Variants in MYH7B observed in about 807,000 individuals in gnomAD.
MYH7B encodes the protein myosin heavy chain 7B, also known as myosin-7B.
In MYH7B, 205 loss-of-function variants were observed where a neutral mutation model predicts 234.5. That is an observed-to-expected ratio of 0.87 (90% CI 0.78 to 0.98). The LOEUF is 0.98. MYH7B is among the 50% of genes least tolerant of loss of function. MYH7B has a pLI of 0.00. For synonymous variants in MYH7B, 1,193 were observed against 1,105.0 expected (o/e 1.08, Z -1.58); for missense variants, 2,652 against 2,633.4 (o/e 1.01, Z -0.15).
intron 7 of MYH7B, 146 bp from the exon 8 acceptor site, chr20:34,980,432 C>G: frequency 1.4e-6 from 1 of 710,168 alleles, no homozygotes; most frequent in Non-Finnish European, 2.5e-6. Flanking sequence ...GCTTGTAGTC[C>G]TAGCTACCCT....
chr20:34,965,252 T>G lies in MYH7B; in HGVS notation c.-222+7040T>G, dbSNP rs1467432063. Among the ~76,000 whole-genome samples, 4 of 152,226 alleles carry G rather than the reference T, an allele frequency of 2.6e-5. No individual in the cohort carries two copies. The East Asian group carries it at 7.7e-4, about 29-fold the overall frequency. On this transcript the variant is annotated intron_variant, in intron 2 of 44. Coordinates refer to ENST00000262873, the Ensembl canonical transcript of MYH7B. ...AAGAGACAGAGCAACTCTGAGGGTTTGCACATAGGCAGTTGGACTCCAGAA... is the reference window on the plus strand; with the variant it reads ...AAGAGACAGAGCAACTCTGAGGGTTGGCACATAGGCAGTTGGACTCCAGAA...
intron 3 of MYH7B, among the ~76,000 whole-genome samples, chr20:34,976,495 A>G (rs2081855695): frequency 1.3e-5 from 2 of 152,336 alleles, no homozygotes; most frequent in Admixed American, 1.3e-4. Context: ...GATGGACAGG[A>G]GAGCCTGGAG....
At chr20:34,960,766 G>A (rs2081689388) in intron 2 of MYH7B, among the ~76,000 whole-genome samples, 1 of 152,234 alleles carries the variant, frequency 6.6e-6, no homozygotes, top group Admixed American at 6.5e-5. Flanking sequence ...CAGCATTGCT[G>A]CTCAGGAAAT....
chr20:34,983,679 T>C (rs2081974881), intron 10 of MYH7B, among the ~76,000 whole-genome samples: 1 of 152,172 alleles, frequency 6.6e-6, no homozygotes, highest in African/African-American at 2.4e-5. Flanking sequence ...TCAGCTCCCC[T>C]TACCTTGGCC....
At chr20:34,959,241 T>C (rs1379702049) in intron 2 of MYH7B, among the ~76,000 whole-genome samples, 4 of 152,112 alleles carry the variant, frequency 2.6e-5, no homozygotes, top group Non-Finnish European at 5.9e-5. Flanking sequence ...TCAAGACACA[T>C]AGGATTGGGG....
chr20:34,996,420 G>A (rs766228940), exon 29 of MYH7B: 1 of 1,613,400 alleles, frequency 6.2e-7, no homozygotes, highest in Non-Finnish European at 8.5e-7. Flanking sequence ...AGAAGGCGTT[G>A]CAGGAGGCCC....
At chr20:34,998,856 G>A (rs771921463) in exon 35 of MYH7B, 2 of 1,613,172 alleles carry the variant, frequency 1.2e-6, no homozygotes, top group East Asian at 4.5e-5. Context: ...AGGTGGCCCA[G>A]TGGAGGAGCA....
intron 1 of MYH7B, among the ~76,000 whole-genome samples, chr20:34,957,179 C>G (rs773478633): frequency 2.0e-5 from 3 of 152,238 alleles, no homozygotes; most frequent in Non-Finnish European, 4.4e-5. Context: ...GACTTAGGCG[C>G]TTAGGCTTGG....
chr20:34,965,250 T>A (rs373678876), intron 2 of MYH7B, among the ~76,000 whole-genome samples: 6 of 152,264 alleles, frequency 3.9e-5, no homozygotes, highest in African/African-American at 1.4e-4. Flanking sequence ...ACTCTGAGGG[T>A]TTGCACATAG....
At chr20:34,973,821 G>A (rs2081816769) in intron 2 of MYH7B, among the ~76,000 whole-genome samples, 1 of 152,082 alleles carries the variant, frequency 6.6e-6, no homozygotes, top group African/African-American at 2.4e-5. Flanking sequence ...GCAGTGGCAC[G>A]ATTTCAGCTC....
At chr20:34,975,362 G>A in intron 2 of MYH7B, 38 bp from the exon 3 acceptor site, 1 of 563,300 alleles carries the variant, frequency 1.8e-6, no homozygotes, top group Non-Finnish European at 3.2e-6. Context: ...ATGCCACCAT[G>A]CCTGGCTAAT....
chr20:34,989,609 A>G lies in MYH7B; in HGVS notation c.1588-131A>G, dbSNP rs560767478. 6.7e-4 allele frequency: 600 copies of G among 899,836 alleles called. 4 individuals are homozygous for G. Among genetic ancestry groups the G allele is most frequent in the South Asian group, 6.3e-3 (357 of 56,252 alleles). 55.7% of individuals were successfully genotyped at this position (899,836 alleles called of 1,614,324 possible). A position where few individuals can be genotyped will look rare whatever the true frequency, so the allele number is the denominator to read the frequency against. On this transcript the variant is annotated intron_variant, in intron 19 of 44. Coordinates refer to ENST00000262873, the Ensembl canonical transcript of MYH7B. ...CTTGGAGTGGGTGTGGTGTCTGACC[A>G]TCCGGGGAGATGGCTGAAGCTGGGG... is the stretch of plus-strand genomic sequence containing the variant.
intron 2 of MYH7B, among the ~76,000 whole-genome samples, chr20:34,969,834 C>T (rs994004438): frequency 4.6e-5 from 7 of 151,928 alleles, no homozygotes; most frequent in African/African-American, 1.5e-4. Context: ...TGTGAGCCAC[C>T]GTACCCGGCC....
chr20:34,994,397 A>G (rs370402458), exon 27 of MYH7B: 30 of 1,574,134 alleles, frequency 1.9e-5, no homozygotes, highest in Non-Finnish European at 2.6e-5. Flanking sequence ...CTGCAGCTGC[A>G]GGCTGTGAGT....
rs1183691796 is a variant in MYH7B at position 34,987,553 on chromosome 20, C to T, written c.1148-4C>T. On this transcript the variant is annotated splice_polypyrimidine_tract_variant and splice_region_variant and intron_variant, in intron 16 of 44. Transcript: ENST00000262873. ...CCTCCCTTACCCCACTCGTGCCCTGCCAGGTGCTGACAAGGCTGCCTACCT... is the reference window on the plus strand; with the variant it reads ...CCTCCCTTACCCCACTCGTGCCCTGTCAGGTGCTGACAAGGCTGCCTACCT... 1.2e-6 allele frequency: 2 copies of T among 1,608,396 alleles called. No individual in the cohort carries two copies. The highest frequency in any genetic ancestry group is 2.2e-5 in the East Asian group (1 of 44,812).
chr20:34,990,065 G>A (rs752144248), exon 21 of MYH7B: 2 of 1,614,188 alleles, frequency 1.2e-6, no homozygotes, highest in Non-Finnish European at 1.7e-6. Context: ...TCCCCTGAAT[G>A]AGACCGTGGT....
At chr20:34,982,624 T>A in intron 10 of MYH7B, 69 bp downstream of exon 10, 2 of 1,152,014 alleles carry the variant, frequency 1.7e-6, no homozygotes, top group Non-Finnish European at 2.4e-6. Context: ...CTTCCTCTCT[T>A]TTTTTTTTTT....
Position 34,980,565 on chromosome 20 carries a change from ACT to A in MYH7B, c.343-6_343-5del, listed in dbSNP as rs773485660. The A allele has an allele frequency of 5.0e-6, 8 of 1,606,570 alleles. No homozygotes were observed. The highest frequency in any genetic ancestry group is 2.2e-5 in the South Asian group (2 of 90,880). Reference sequence around the variant, plus strand: ...AAACAACAACATAAACCCTACCTATACTCTCTCTTCAGACCTACTCAGGCCTC... The same window carrying A: ...AAACAACAACATAAACCCTACCTATACTCTCTTCAGACCTACTCAGGCCTC... On this transcript the variant is annotated splice_polypyrimidine_tract_variant and intron_variant, in intron 7 of 44. Transcript: ENST00000262873.
At chr20:34,977,944 C>G (rs1193037585) in exon 5 of MYH7B, 2 of 1,613,780 alleles carry the variant, frequency 1.2e-6, no homozygotes, top group South Asian at 1.1e-5. Flanking sequence ...TGCCTGCTGC[C>G]TTGGGCCGCC....
Sources: gnomAD v4.1 joint callset for allele counts (sites outside exome capture counted in the v4.1 genomes callset) on GRCh38, gnomAD v4.1.1 for gene constraint, MANE v1.5 for transcripts, NCBI Gene and HGNC (gene_info 2026-07-23, HGNC 2026-07-21) for gene names.